Variants in ZFPM2 observed in about 807,000 individuals in gnomAD.
ZFPM2 encodes the protein zinc finger protein, FOG family member 2, also known as zinc finger protein ZFPM2.
A neutral mutation model predicts 98.6 loss-of-function variants in ZFPM2; 20 were observed. That is an observed-to-expected ratio of 0.20 (90% CI 0.14 to 0.29). The LOEUF is 0.29. Among genes scored for constraint, ZFPM2 ranks in the 10% least tolerant of loss-of-function variants. ZFPM2 has a pLI of 1.00. For missense variants in ZFPM2, 1,310 were observed against 1,388.6 expected (o/e 0.94, Z 0.90); for synonymous variants, 518 against 502.7 (o/e 1.03, Z -0.41).
intron 3 of ZFPM2, among the ~76,000 whole-genome samples, chr8:105,518,705 A>G (rs1813988830): frequency 6.6e-6 from 1 of 152,246 alleles, no homozygotes; most frequent in Non-Finnish European, 1.5e-5. Context: ...AGCCTGGTTG[A>G]AGAGTGCATA....
At chr8:105,333,865 G>A (rs1812277857) in intron 1 of ZFPM2, among the ~76,000 whole-genome samples, 1 of 151,444 alleles carries the variant, frequency 6.6e-6, no homozygotes, top group African/African-American at 2.4e-5. Context: ...TATTAGATAT[G>A]TTTTTCATAA....
At chr8:105,715,272 C>T (rs1412388578) in intron 5 of ZFPM2, among the ~76,000 whole-genome samples, 2 of 151,706 alleles carry the variant, frequency 1.3e-5, no homozygotes, top group African/African-American at 4.8e-5. Flanking sequence ...TGGTGGTGTG[C>T]ATCTGTAGTC....
At chr8:105,569,825 A>G (rs1321999660) in intron 4 of ZFPM2, among the ~76,000 whole-genome samples, 2 of 152,044 alleles carry the variant, frequency 1.3e-5, no homozygotes, top group Admixed American at 1.3e-4. Flanking sequence ...GGGAAATTCC[A>G]TCTGTCTCTG....
intron 4 of ZFPM2, among the ~76,000 whole-genome samples, chr8:105,591,720 T>TAA (rs1169042861): frequency 3.3e-5 from 5 of 152,160 alleles, no homozygotes; most frequent in Non-Finnish European, 7.3e-5. Context: ...AAATACCCAG[T>TAA]AATATCATCA....
chr8:105,676,835 A>G (rs1423586891), intron 5 of ZFPM2, among the ~76,000 whole-genome samples: 4 of 152,098 alleles, frequency 2.6e-5, no homozygotes, highest in Non-Finnish European at 4.4e-5. Context: ...ACTGGGATTG[A>G]CTAACTTTTG....
At chr8:105,386,913 C>T (rs904485642) in intron 1 of ZFPM2, among the ~76,000 whole-genome samples, 13 of 152,242 alleles carry the variant, frequency 8.5e-5, no homozygotes, top group South Asian at 6.2e-4. Context: ...AAGTTCTCCA[C>T]GTCCCCACCA....
At chr8:105,668,826 G>C (rs140953381) in intron 5 of ZFPM2, among the ~76,000 whole-genome samples, 1 of 152,014 alleles carries the variant, frequency 6.6e-6, no homozygotes, top group African/African-American at 2.4e-5. Context: ...ATTAAATTTG[G>C]ATCTAGCAGG....
chr8:105,338,385 A>G (rs767106631), intron 1 of ZFPM2, among the ~76,000 whole-genome samples: 51 of 151,866 alleles, frequency 3.4e-4, no homozygotes, highest in Non-Finnish European at 6.0e-4. Flanking sequence ...GTAGAAACTT[A>G]GTCATTTAGA....
At chr8:105,671,177 C>T (rs1817587355) in intron 5 of ZFPM2, among the ~76,000 whole-genome samples, 1 of 151,842 alleles carries the variant, frequency 6.6e-6, no homozygotes, top group Non-Finnish European at 1.5e-5. Context: ...TTTTGCCATA[C>T]AATATTGTAG....
chr8:105,624,610 AT>A (rs1816616135), intron 4 of ZFPM2, among the ~76,000 whole-genome samples: 2 of 152,160 alleles, frequency 1.3e-5, no homozygotes, highest in African/African-American at 4.8e-5. Context: ...TTGAAGAATA[AT>A]TTTATATTAT....
chr8:105,617,121 A>G (rs1816437523), intron 4 of ZFPM2, among the ~76,000 whole-genome samples: 1 of 148,612 alleles, frequency 6.7e-6, no homozygotes. Flanking sequence ...TGGCTCTAGA[A>G]CTTAGCCACT....
chr8:105,458,640 C>T (rs1041992749), intron 3 of ZFPM2, among the ~76,000 whole-genome samples: 2 of 151,992 alleles, frequency 1.3e-5, no homozygotes, highest in East Asian at 1.9e-4. Flanking sequence ...ATTGACAGTG[C>T]ATATTTTCAG....
chr8:105,650,345 T>G (rs1817145844), intron 5 of ZFPM2, among the ~76,000 whole-genome samples: 1 of 152,184 alleles, frequency 6.6e-6, no homozygotes, highest in Non-Finnish European at 1.5e-5. Flanking sequence ...ATTCATTGAT[T>G]TTTTGAAGGG....
At chr8:105,586,442 A>G (rs1399927386) in intron 4 of ZFPM2, among the ~76,000 whole-genome samples, 1 of 151,672 alleles carries the variant, frequency 6.6e-6, no homozygotes, top group Non-Finnish European at 1.5e-5. Context: ...TATTTTTTTG[A>G]GATGGAGTCT....
intron 1 of ZFPM2, among the ~76,000 whole-genome samples, chr8:105,336,190 T>C (rs1812322002): frequency 6.6e-6 from 1 of 151,774 alleles, no homozygotes; most frequent in African/African-American, 2.4e-5. Context: ...CTTCCTTGTG[T>C]CGTGTCCTTT....
At chr8:105,737,084 A>G (rs940369140) in intron 5 of ZFPM2, among the ~76,000 whole-genome samples, 3 of 151,994 alleles carry the variant, frequency 2.0e-5, no homozygotes, top group Admixed American at 6.6e-5. Flanking sequence ...CTGGAAGTCC[A>G]TCTATGGCTT....
In ZFPM2 at chr8:105,634,246, A is replaced by C. The variant is rs1445447642; in HGVS notation, c.421A>C (p.Lys141Gln). 1 of 1,610,418 alleles carries C rather than the reference A, an allele frequency of 6.2e-7. No individual in the cohort carries two copies. Residue 141 changes from lysine (K) to glutamine (Q), a missense_variant and splice_region_variant, in exon 5 of 8, where the codon AAG (lysine) becomes CAG (glutamine). Lys to Gln is a moderately conservative substitution (Grantham distance 53, BLOSUM62 1). Coordinates refer to ENST00000407775, the MANE Select transcript of ZFPM2 (RefSeq NM_012082.4). The part of the protein sequence containing the change: ...GKMDLNNNSL[K>Q]TKAQVPMVLT... ...CTGTTTGTTATCATTCTTTCTACAGAAGACAAAGGCTCAGGTCCCAATGGT... is the reference window on the plus strand; with the variant it reads ...CTGTTTGTTATCATTCTTTCTACAGCAGACAAAGGCTCAGGTCCCAATGGT...
intron 3 of ZFPM2, among the ~76,000 whole-genome samples, chr8:105,467,025 T>C (rs980674642): frequency 3.4e-4 from 51 of 152,186 alleles, no homozygotes; most frequent in African/African-American, 1.2e-3. Context: ...CTACCTCCTG[T>C]ATCTCTTGTG....
chr8:105,528,174 G>A (rs374420390), intron 3 of ZFPM2, among the ~76,000 whole-genome samples: 1 of 152,252 alleles, frequency 6.6e-6, no homozygotes, highest in East Asian at 1.9e-4. Flanking sequence ...TGATGGGGAG[G>A]GGTGTATTTT....
Sources: gnomAD v4.1 joint callset for allele counts (sites outside exome capture counted in the v4.1 genomes callset) on GRCh38, gnomAD v4.1.1 for gene constraint, MANE v1.5 for transcripts, NCBI Gene and HGNC (gene_info 2026-07-23, HGNC 2026-07-21) for gene names.